Variants in LMBR1 observed in about 807,000 individuals in gnomAD.
The protein encoded by LMBR1 is limb region 1 protein homolog.
LMBR1 carries 52 observed loss-of-function variants against 73.9 expected under a neutral mutation model. The ratio of observed to expected loss-of-function variants is 0.70; its 90% CI spans 0.56 to 0.89. The LOEUF (loss-of-function observed/expected upper bound fraction) is 0.89, where lower values mean the gene tolerates loss of function less well. LMBR1 is among the 40% of genes least tolerant of loss of function. The pLI is 0.00. For synonymous variants in LMBR1, 215 were observed against 209.4 expected (o/e 1.03, Z -0.23); for missense variants, 539 against 579.8 (o/e 0.93, Z 0.72).
chr7:156,878,815 C>T (rs1313978992), intron 1 of LMBR1, among the ~76,000 whole-genome samples: 2 of 152,136 alleles, frequency 1.3e-5, no homozygotes, highest in African/African-American at 4.8e-5. Context: ...TACTATAAGG[C>T]CGTAGTCTCC....
At chr7:156,858,514 A>G (rs1022898017) in intron 1 of LMBR1, among the ~76,000 whole-genome samples, 1 of 152,246 alleles carries the variant, frequency 6.6e-6, no homozygotes, top group African/African-American at 2.4e-5. Context: ...TCTCCAAAAT[A>G]TCTTACAGAT....
chr7:156,858,979 C>T (rs191291602), intron 1 of LMBR1, among the ~76,000 whole-genome samples: 1 of 152,228 alleles, frequency 6.6e-6, no homozygotes, highest in East Asian at 1.9e-4. Context: ...TAGGGCTGGG[C>T]ACGGTGGCTC....
intron 1 of LMBR1, among the ~76,000 whole-genome samples, chr7:156,890,777 A>G (rs1445868843): frequency 6.6e-6 from 1 of 152,196 alleles, no homozygotes; most frequent in Non-Finnish European, 1.5e-5. Context: ...CACTTTGGAA[A>G]ATTGTTTTAA....
At chr7:156,860,283 T>C (rs137968610) in intron 1 of LMBR1, among the ~76,000 whole-genome samples, 32 of 152,322 alleles carry the variant, frequency 2.1e-4, no homozygotes, top group African/African-American at 6.7e-4. Context: ...ACATCTTACA[T>C]GGATGGCAAC....
chr7:156,762,248 G>C (rs1195734327), intron 7 of LMBR1, 50 bp from the exon 8 acceptor site: 1 of 1,174,084 alleles, frequency 8.5e-7, no homozygotes, highest in East Asian at 2.3e-5. Context: ...ATAGAGCTTG[G>C]AGAAAGAGAT....
intron 4 of LMBR1, among the ~76,000 whole-genome samples, chr7:156,805,485 G>C (rs1831872972): frequency 6.6e-6 from 1 of 152,052 alleles, no homozygotes; most frequent in South Asian, 2.1e-4. Flanking sequence ...CAAAGCGCTG[G>C]GATTACAGGC....
At chr7:156,880,510 A>T (rs530044785) in intron 1 of LMBR1, among the ~76,000 whole-genome samples, 27 of 152,186 alleles carry the variant, frequency 1.8e-4, no homozygotes, top group African/African-American at 6.5e-4. Context: ...CAAAAAATTT[A>T]AAAATAAAAA....
intron 15 of LMBR1, among the ~76,000 whole-genome samples, chr7:156,708,107 A>C (rs2108796): frequency 0.55 from 83,864 of 151,666 alleles, 23,265 homozygotes; most frequent in Middle Eastern, 0.66. Context: ...TAGCCAGAAA[A>C]AAAAAATTGG....
intron 1 of LMBR1, among the ~76,000 whole-genome samples, chr7:156,854,887 C>T (rs995863277): frequency 1.6e-4 from 25 of 152,202 alleles, no homozygotes; most frequent in African/African-American, 5.8e-4. Flanking sequence ...AAAACAAGAA[C>T]ACTAGGGGAA....
intron 15 of LMBR1, among the ~76,000 whole-genome samples, chr7:156,720,939 C>T (rs917282575): frequency 6.6e-6 from 1 of 151,892 alleles, no homozygotes; most frequent in African/African-American, 2.4e-5. Flanking sequence ...ATTACCAAAA[C>T]CCCAAATAAA....
intron 4 of LMBR1, among the ~76,000 whole-genome samples, chr7:156,817,185 T>C (rs1834045039): frequency 6.6e-6 from 1 of 152,136 alleles, no homozygotes; most frequent in Admixed American, 6.5e-5. Flanking sequence ...ACAAAATATT[T>C]CAAACTACAA....
chr7:156,784,203 G>C (rs1025932499), intron 5 of LMBR1, among the ~76,000 whole-genome samples: 1 of 151,994 alleles, frequency 6.6e-6, no homozygotes, highest in Non-Finnish European at 1.5e-5. Context: ...CTAACTCTTT[G>C]AGTAATACAC....
intron 5 of LMBR1, among the ~76,000 whole-genome samples, chr7:156,773,504 A>G (rs142769005): frequency 6.6e-6 from 1 of 152,334 alleles, no homozygotes; most frequent in Non-Finnish European, 1.5e-5. Flanking sequence ...CACATAGATC[A>G]ATGGAACACA....
chr7:156,872,550 G>A (rs1421612623), intron 1 of LMBR1, among the ~76,000 whole-genome samples: 2 of 151,992 alleles, frequency 1.3e-5, no homozygotes, highest in Non-Finnish European at 2.9e-5. Context: ...GGGAGGCTGA[G>A]GCAGAAGAAT....
chr7:156,855,666 C>CAAAAA (rs35231167), intron 1 of LMBR1, among the ~76,000 whole-genome samples: 3 of 87,266 alleles, frequency 3.4e-5, no homozygotes, highest in Non-Finnish European at 6.7e-5. Flanking sequence ...AACGTAAATA[C>CAAAAA]AAAAAAAAAA....
intron 15 of LMBR1, among the ~76,000 whole-genome samples, chr7:156,710,626 T>A (rs1240444165): frequency 6.6e-6 from 1 of 152,216 alleles, no homozygotes; most frequent in Non-Finnish European, 1.5e-5. Context: ...GAGGAAAACT[T>A]CCTTGCTAGA....
chr7:156,873,283 G>A (rs780594200), intron 1 of LMBR1, among the ~76,000 whole-genome samples: 79 of 150,988 alleles, frequency 5.2e-4, no homozygotes, highest in Non-Finnish European at 1.0e-3. Context: ...TTAAGGCAGC[G>A]CGTCTGGAGT....
intron 9 of LMBR1, among the ~76,000 whole-genome samples, chr7:156,738,757 T>C (rs1818364682): frequency 6.6e-6 from 1 of 152,092 alleles, no homozygotes; most frequent in Non-Finnish European, 1.5e-5. Context: ...GGGGACTCAG[T>C]TCTGGGAGGA....
intron 15 of LMBR1, among the ~76,000 whole-genome samples, chr7:156,712,389 G>A (rs2132205577): frequency 6.6e-6 from 1 of 152,212 alleles, no homozygotes; most frequent in Non-Finnish European, 1.5e-5. Flanking sequence ...GCAGAAAAAA[G>A]GGAACACTTC....
Sources: allele counts gnomAD v4.1 joint callset (sites outside exome capture counted in the v4.1 genomes callset), GRCh38; gene constraint gnomAD v4.1.1; transcripts MANE v1.5; gene names NCBI Gene and HGNC (gene_info 2026-07-23, HGNC 2026-07-21).